Variants in TEX22 observed in about 807,000 individuals in gnomAD.
The protein encoded by TEX22 is testis expressed 22.
Under a neutral mutation model 11.3 loss-of-function variants are expected in TEX22, and 16 were observed. The ratio of observed to expected loss-of-function variants is 1.42; its 90% CI spans 0.96 to 2.15. The LOEUF (loss-of-function observed/expected upper bound fraction) is 2.15, where lower values mean the gene tolerates loss of function less well. TEX22 is among the 30% of genes most tolerant of loss of function. The pLI, the probability that TEX22 is intolerant of heterozygous loss-of-function variation, is 0.00. For synonymous variants in TEX22, 97 were observed against 92.3 expected (o/e 1.05, Z -0.29); for missense variants, 220 against 208.6 (o/e 1.05, Z -0.34).
At chr14:105,411,627 C>A in intron 3 of TEX22, 33 bp from the exon 4 acceptor site, 2 of 1,512,674 alleles carry the variant, frequency 1.3e-6, no homozygotes, top group Non-Finnish European at 1.8e-6. Flanking sequence ...CCCTTCCCGC[C>A]CCTCGAGGCT....
chr14:105,403,838 G>A, intron 2 of TEX22, among the ~76,000 whole-genome samples: 1 of 152,154 alleles, frequency 6.6e-6, no homozygotes, highest in Non-Finnish European at 1.5e-5. Flanking sequence ...TTCTGGAAAT[G>A]TATTACTAGT....
At chr14:105,410,266 G>A (rs1005664281) in intron 2 of TEX22, among the ~76,000 whole-genome samples, 3 of 152,110 alleles carry the variant, frequency 2.0e-5, no homozygotes, top group Admixed American at 2.0e-4. Flanking sequence ...TAGTAGAGAT[G>A]GGGTTTTTCC....
chr14:105,406,657 G>C (rs1406656335), intron 2 of TEX22, among the ~76,000 whole-genome samples: 1 of 149,462 alleles, frequency 6.7e-6, no homozygotes, highest in Non-Finnish European at 1.5e-5. Flanking sequence ...AATGAATTAA[G>C]TCTACGTACT....
chr14:105,411,289 G>A (rs1347070687), intron 2 of TEX22, 79 bp from the exon 3 acceptor site: 2 of 1,226,280 alleles, frequency 1.6e-6, no homozygotes, highest in Non-Finnish European at 1.0e-6. Flanking sequence ...CGAGCTCTGA[G>A]GGTCGGCGGG....
chr14:105,399,580 T>C, intron 2 of TEX22, 90 bp downstream of exon 2: 1 of 1,393,010 alleles, frequency 7.2e-7, no homozygotes, highest in Non-Finnish European at 9.5e-7. Context: ...CTGGTCGTGA[T>C]GAGCAGCCTC....
intron 2 of TEX22, among the ~76,000 whole-genome samples, chr14:105,405,541 A>G (rs587674188): frequency 3.3e-4 from 50 of 152,288 alleles, no homozygotes; most frequent in South Asian, 1.9e-3. Flanking sequence ...GAATATTCCA[A>G]CCGCAGGGTG....
At chr14:105,399,272 C>T (rs1012439868) in intron 1 of TEX22, 30 bp from the exon 2 acceptor site, 42 of 1,292,230 alleles carry the variant, frequency 3.3e-5, no homozygotes, top group Non-Finnish European at 4.2e-5. Flanking sequence ...TTGTGGGCCC[C>T]GCCCCACCTC....
At chr14:105,402,518 GC>G (rs2081633929) in intron 2 of TEX22, among the ~76,000 whole-genome samples, 4 of 152,042 alleles carry the variant, frequency 2.6e-5, no homozygotes, top group African/African-American at 7.3e-5. Flanking sequence ...ACTTTGGGAG[GC>G]TGGGGCGGGC....
At chr14:105,410,692 C>A (rs1441408348) in intron 2 of TEX22, among the ~76,000 whole-genome samples, 1 of 152,242 alleles carries the variant, frequency 6.6e-6, no homozygotes, top group East Asian at 1.9e-4. Context: ...CCCCTTCCCC[C>A]TGGTGAGGGA....
chr14:105,399,509 T>G lies in TEX22; in HGVS notation c.150+19T>G. ...GGACTGGGTAAGCGGAAGGAAACCCTGGCCGAGGCTACTCTCCTGTCCCCA... is the reference window on the plus strand; with the variant it reads ...GGACTGGGTAAGCGGAAGGAAACCCGGGCCGAGGCTACTCTCCTGTCCCCA... On this transcript the variant is annotated intron_variant, in intron 2 of 3. Transcript: ENST00000451127. 1 of 1,518,688 alleles carries G rather than the reference T, an allele frequency of 6.6e-7. No homozygotes were observed. Among genetic ancestry groups the G allele is most frequent in the African/African-American group, 1.4e-5 (1 of 72,514 alleles). 94.1% of individuals were successfully genotyped at this position (1,518,688 alleles called of 1,614,324 possible).
chr14:105,410,278 C>T (rs1447275291), intron 2 of TEX22, among the ~76,000 whole-genome samples: 3 of 152,134 alleles, frequency 2.0e-5, no homozygotes, highest in African/African-American at 4.8e-5. Context: ...GGTTTTTCCA[C>T]GTTGGTCAGG....
intron 2 of TEX22, among the ~76,000 whole-genome samples, chr14:105,402,017 C>T (rs782523078): frequency 7.2e-5 from 11 of 152,146 alleles, no homozygotes; most frequent in Non-Finnish European, 1.5e-4. Flanking sequence ...GAAACCCCGT[C>T]TCTATTAAAA....
At chr14:105,399,036 G>GCAGGCTGCCGAAGGCTTTC (rs2081606219) in intron 1 of TEX22, among the ~76,000 whole-genome samples, 1 of 152,264 alleles carries the variant, frequency 6.6e-6, no homozygotes, top group Non-Finnish European at 1.5e-5. Flanking sequence ...AGTCCGTGCA[G>GCAGGCTGCCGAAGGCTTTC]CAGGCTGCCG....
chr14:105,400,599 CAG>C (rs1462136976), intron 2 of TEX22, among the ~76,000 whole-genome samples: 1 of 152,044 alleles, frequency 6.6e-6, no homozygotes, highest in Non-Finnish European at 1.5e-5. Context: ...AGCAAGGACA[CAG>C]GGACCCAGTG....
intron 2 of TEX22, among the ~76,000 whole-genome samples, chr14:105,400,288 C>T (rs2081619824): frequency 1.3e-5 from 2 of 152,188 alleles, no homozygotes; most frequent in African/African-American, 4.8e-5. Context: ...CCGCTGAGGC[C>T]CCTTTGTACC....
chr14:105,400,608 A>G (rs1162355018), intron 2 of TEX22, among the ~76,000 whole-genome samples: 1 of 152,080 alleles, frequency 6.6e-6, no homozygotes, highest in African/African-American at 2.4e-5. Context: ...ACAGGGACCC[A>G]GTGGCTCTTG....
chr14:105,403,902 C>T (rs1199991067), intron 2 of TEX22, among the ~76,000 whole-genome samples: 1 of 152,246 alleles, frequency 6.6e-6, no homozygotes, highest in African/African-American at 2.4e-5. Flanking sequence ...CTAGGCTGGT[C>T]TCTAACTCCT....
At chr14:105,399,856 C>T (rs1595216631) in intron 2 of TEX22, among the ~76,000 whole-genome samples, 1 of 152,236 alleles carries the variant, frequency 6.6e-6, no homozygotes, top group African/African-American at 2.4e-5. Flanking sequence ...GGGGTGGTGT[C>T]CTCCCAACCA....
At chr14:105,408,958 C>G (rs1201227788) in intron 2 of TEX22, among the ~76,000 whole-genome samples, 1 of 150,958 alleles carries the variant, frequency 6.6e-6, no homozygotes. Flanking sequence ...CTCCCCCTCC[C>G]CCTCCTCCTG....
Sources: allele counts gnomAD v4.1 joint callset (sites outside exome capture counted in the v4.1 genomes callset), GRCh38; gene constraint gnomAD v4.1.1; transcripts MANE v1.5; gene names NCBI Gene and HGNC (gene_info 2026-07-23, HGNC 2026-07-21).